The following NSD1 variants were observed in gnomAD, a reference collection of about 807,000 sequenced individuals.
The protein encoded by NSD1 is histone-lysine N-methyltransferase, H3 lysine-36 specific.
NSD1 carries 26 observed loss-of-function variants against 242.7 expected under a neutral mutation model. The ratio of observed to expected loss-of-function variants is 0.11; its 90% CI spans 0.08 to 0.15. The LOEUF (loss-of-function observed/expected upper bound fraction) is 0.15. Among genes scored for constraint, NSD1 ranks in the 10% least tolerant of loss-of-function variants. The pLI, the probability that NSD1 is intolerant of heterozygous loss-of-function variation, is 1.00. For synonymous variants in NSD1, 1,106 were observed against 1,178.1 expected (o/e 0.94, Z 1.25); for missense variants, 2,495 against 3,272.8 (o/e 0.76, Z 5.80).
chr5:177,208,679 T>C (rs1237665129), intron 4 of NSD1, among the ~76,000 whole-genome samples: 2 of 151,820 alleles, frequency 1.3e-5, no homozygotes, highest in African/African-American at 4.8e-5. Context: ...CAACTGAACA[T>C]GTGTTTGGCC....
In NSD1 at chr5:177,273,884, G is replaced by A. The variant is rs12660023; in HGVS notation, c.5622+100G>A. 582,923 of 806,082 alleles carry A rather than the reference G, an allele frequency of 0.72. 219,103 individuals are homozygous for A. Among genetic ancestry groups the A allele is most frequent in the Non-Finnish European group, 0.8 (379,003 of 474,674 alleles). 49.9% of individuals were successfully genotyped at this position (806,082 alleles called of 1,614,324 possible). On this transcript the variant is annotated intron_variant, in intron 17 of 22. Transcript: ENST00000439151. ...AAGAACGGAAGCACAAGCATAGTTCGTTTTAGGTAGAGGTATGAGCTTAAA... is the reference window on the plus strand; with the variant it reads ...AAGAACGGAAGCACAAGCATAGTTCATTTTAGGTAGAGGTATGAGCTTAAA...
chr5:177,163,298 A>G (rs977277428), intron 2 of NSD1, among the ~76,000 whole-genome samples: 1 of 152,064 alleles, frequency 6.6e-6, no homozygotes, highest in African/African-American at 2.4e-5. Context: ...ACGCATCACC[A>G]TGCCCGGCTA....
chr5:177,234,974 T>A (rs1481084957), intron 5 of NSD1, among the ~76,000 whole-genome samples: 3 of 152,266 alleles, frequency 2.0e-5, no homozygotes, highest in African/African-American at 4.8e-5. Flanking sequence ...ACTGTTTTTT[T>A]ATCAGCTGAT....
At chr5:177,221,846 A>C (rs1764264002) in intron 5 of NSD1, among the ~76,000 whole-genome samples, 1 of 143,466 alleles carries the variant, frequency 7.0e-6, no homozygotes, top group African/African-American at 2.6e-5. Context: ...TTTCATTCTC[A>C]TCGCCCAGGC....
rs1039226273 is a variant in NSD1, at chr5:177,265,795, G to A, written c.5147-1767G>A. On this transcript the variant is annotated intron_variant, in intron 14 of 22. Coordinates refer to ENST00000439151, the MANE Select transcript of NSD1 (RefSeq NM_022455.5). ...GTATGGTGGAGAAGCCGGTCCCTCC[G>A]GTCCTCTTGTGGCAGTGCGTAAACT... The A allele has an allele frequency of 7.8e-6, 11 of 1,413,910 alleles. No homozygotes were observed. The Middle Eastern group carries it at 5.3e-4, about 68-fold the overall frequency. The allele number at this position is 1,413,910 out of a possible 1,614,324, so 87.6% of individuals were successfully genotyped here.
chr5:177,251,879 C>T (rs2149904734), intron 12 of NSD1, 26 bp downstream of exon 12: 1 of 1,613,936 alleles, frequency 6.2e-7, no homozygotes, highest in Non-Finnish European at 8.5e-7. Context: ...AACGGTCTTC[C>T]TCCAAAGAAA....
At position 177,300,062 on chromosome 5, in the gene NSD1, C is replaced by A. The variant is rs868396286; in HGVS notation, c.*4603C>A. 6.7e-4 allele frequency: 123 copies of A among 182,780 alleles called. 2 individuals carry two copies. Among genetic ancestry groups the A allele is most frequent in the South Asian group, 8.1e-4 (3 of 3,698 alleles). 11.3% of individuals were successfully genotyped at this position (182,780 alleles called of 1,614,324 possible). A position where few individuals can be genotyped will look rare whatever the true frequency, so the allele number is the denominator to read the frequency against. On this transcript the variant is annotated 3_prime_UTR_variant, in exon 23 of 23. Coordinates refer to ENST00000439151, the MANE Select transcript of NSD1 (RefSeq NM_022455.5). ...CATCATTGCTTTTTTGCCGCGCCCC[C>A]CCCCCCCCGCCCCCATAGATTGTCA...
intron 14 of NSD1, chr5:177,266,475 G>C (rs1360254383): frequency 1.6e-6 from 1 of 622,786 alleles, no homozygotes; most frequent in Non-Finnish European, 3.0e-6. Flanking sequence ...AGTGGGCGTA[G>C]GAGTCAAAGT....
rs1766427665 is a variant in NSD1, at chr5:177,247,900, T to C, written c.4498-281T>C. On this transcript the variant is annotated intron_variant, in intron 10 of 22. Coordinates refer to ENST00000439151, the MANE Select transcript of NSD1 (RefSeq NM_022455.5). ...AGGACAAATAAGTAATCAAATAAAC[T>C]TAAGAATGTTTTCTCTCCCTTAGTG... 3 of 984,686 alleles carry C rather than the reference T, an allele frequency of 3.0e-6. No homozygotes were observed. The South Asian group carries it at 1.4e-4, about 46-fold the overall frequency. 61.0% of individuals were successfully genotyped at this position (984,686 alleles called of 1,614,324 possible). A position where few individuals can be genotyped will look rare whatever the true frequency, so the allele number is the denominator to read the frequency against.
At position 177,238,256 on chromosome 5, in the gene NSD1, A is replaced by G; in HGVS notation, c.3941A>G (p.Glu1314Gly). The change falls in exon 7 of 23, where the codon GAG becomes GGG. Residue 1314 changes from glutamate to glycine, a missense_variant. Glu to Gly is a moderately conservative substitution (Grantham distance 98). This residue lies in a region of NSD1 where 100 missense variants were observed against 190.7 expected (regional missense o/e 0.52). Transcript: ENST00000439151. The surrounding 1 kb of genome is among the most constrained non-coding windows in gnomAD (Gnocchi z 4.6). ...TCTTAGGTAAGTTCCCGCTGTGAAG[A>G]GGAAAGCCTTCTAGCCCGAGGTCGA... ...QVHKVSSRCE[E>G]ESLLARGRSS... is the part of the protein sequence containing the mutation. 6.2e-7 allele frequency: 1 copy of G among 1,614,166 alleles called. No homozygotes were observed. The highest frequency in any genetic ancestry group is 1.3e-5 in the African/African-American group (1 of 75,030).
intron 3 of NSD1, among the ~76,000 whole-genome samples, chr5:177,200,099 T>G (rs573122788): frequency 3.2e-4 from 49 of 152,182 alleles, no homozygotes; most frequent in East Asian, 1.9e-3. Flanking sequence ...TAATGTTTTT[T>G]TTTTGTTTTG....
chr5:177,279,900 A>C (rs1476551569), intron 17 of NSD1, among the ~76,000 whole-genome samples: 1 of 150,972 alleles, frequency 6.6e-6, no homozygotes, highest in African/African-American at 2.4e-5. Flanking sequence ...TACAGGTGTG[A>C]GCCACCAGGC....
intron 13 of NSD1, among the ~76,000 whole-genome samples, chr5:177,257,973 CTTTTTTTTTTT>C (rs35034666): frequency 5.7e-5 from 3 of 52,550 alleles, no homozygotes; most frequent in East Asian, 6.4e-4. Flanking sequence ...CCCCCTGGGC[CTTTTTTTTTTT>C]TTTTTTTTTT....
Position 177,211,459 on chromosome 5 carries a change from C to A in NSD1, c.3060C>A (p.Asn1020Lys). Residue 1020 changes from asparagine to lysine, a missense_variant, in exon 5 of 23, where the codon AAC becomes AAA. Coordinates refer to ENST00000439151, the MANE Select transcript of NSD1 (RefSeq NM_022455.5). ...KSRSDCVTRR[N>K]CGRSKPSSKL... ...GTTCAGACTGTGTTACTAGGCGCAA[C>A]TGTGGACGATCAAAGCCTTCATCCA... 2 of 1,614,166 alleles carry A rather than the reference C, an allele frequency of 1.2e-6. No individual in the cohort carries two copies. The highest frequency in any genetic ancestry group is 2.2e-5 in the South Asian group (2 of 91,080).
At chr5:177,235,558 A>G (rs1040669212) in intron 5 of NSD1, among the ~76,000 whole-genome samples, 1 of 152,176 alleles carries the variant, frequency 6.6e-6, no homozygotes, top group Non-Finnish European at 1.5e-5. Flanking sequence ...CTTTAAATTT[A>G]ACCTTTTCCT....
intron 12 of NSD1, among the ~76,000 whole-genome samples, chr5:177,256,433 T>C (rs1158958485): frequency 6.6e-6 from 1 of 151,922 alleles, no homozygotes; most frequent in Non-Finnish European, 1.5e-5. Context: ...CAGGCATGCA[T>C]CACCACGCCC....
chr5:177,168,617 C>T (rs970395909), intron 2 of NSD1, among the ~76,000 whole-genome samples: 2 of 152,002 alleles, frequency 1.3e-5, no homozygotes, highest in African/African-American at 2.4e-5. Flanking sequence ...CCCACCACCA[C>T]GCCCAGCTCA....
intron 17 of NSD1, among the ~76,000 whole-genome samples, chr5:177,274,173 A>G (rs891930050): frequency 7.2e-5 from 11 of 152,154 alleles, no homozygotes; most frequent in African/African-American, 2.7e-4. Flanking sequence ...GAAGAAAAAA[A>G]GAAACAAGTA....
At chr5:177,164,149 C>CTTTTTTTTTTTTTTTTTTTTTTTTTTT (rs56076836) in intron 2 of NSD1, among the ~76,000 whole-genome samples, 2 of 138,392 alleles carry the variant, frequency 1.4e-5, no homozygotes, top group African/African-American at 5.4e-5. Context: ...AAAATGTAAC[C>CTTTTTTTTTTTTTTTTTTTTTTTTTTT]TTTTTTTTTT....
Sources: allele counts gnomAD v4.1 joint callset (sites outside exome capture counted in the v4.1 genomes callset), GRCh38; gene constraint gnomAD v4.1.1; regional missense constraint gnomAD v4.1.1; non-coding constraint Gnocchi (gnomAD v3.1); transcripts MANE v1.5; gene names NCBI Gene and HGNC (gene_info 2026-07-23, HGNC 2026-07-21).